Variants in CELSR2 observed in about 807,000 individuals in gnomAD.
The protein encoded by CELSR2 is EGF-like protein 2.
A neutral mutation model predicts 251.6 loss-of-function variants in CELSR2; 81 were observed. The ratio of observed to expected loss-of-function variants is 0.32; its 90% confidence interval spans 0.27 to 0.39. CELSR2 has a LOEUF of 0.39. Ranked by LOEUF, CELSR2 falls within the 10% of genes least tolerant of loss-of-function variation. The pLI, the probability that CELSR2 is intolerant of heterozygous loss-of-function variation, is 1.00. For missense variants in CELSR2, 3,365 were observed against 3,947.7 expected, an observed-to-expected ratio of 0.85 and a Z score of 3.96; for synonymous variants, 1,721 against 1,670.5, an observed-to-expected ratio of 1.03 and a Z score of -0.74.
In CELSR2 at chr1:109,268,932, C is replaced by T. The variant is rs368143806; in HGVS notation, c.6555C>T (p.Pro2185=). The T allele has an allele frequency of 3.5e-4, 559 of 1,613,368 alleles. 8 individuals are homozygous for T. The South Asian group carries it at 5.3e-3, about 15-fold the overall frequency. ...DKGNFAGAKL[P]RYEALRGEQP... ...GGAACTTTGCTGGGGCCAAGCTGCC[C>T]CGCTACGAGGCCCTGCGTGGGGAGC... Residue 2185 remains proline (P), a synonymous_variant, in exon 19 of 34, where the codon CCC becomes CCT. Coordinates refer to ENST00000271332, the MANE Select transcript of CELSR2 (RefSeq NM_001408.3).
chr1:109,273,851 A>T (rs1656448287), intron 33 of CELSR2, 171 bp from the exon 34 acceptor site: 1 of 1,073,484 alleles, frequency 9.3e-7, no homozygotes, highest in Admixed American at 1.9e-5. Context: ...GGGGAGGGCC[A>T]CCCCTCCTAG....
chr1:109,266,137 G>T lies in CELSR2; in HGVS notation c.5944G>T (p.Ala1982Ser), dbSNP rs752119946. ...TGACAGCTGCCCACGAGCGATTGAG[G>T]CTGGGATCTGGTGGCCCCGTACCCG... ...NYDSCPRAIE[A>S]GIWWPRTRFG... is the part of the protein sequence containing the mutation. The change falls in exon 15 of 34, where the codon GCT (alanine) becomes TCT (serine). Residue 1982 changes from alanine to serine, a missense_variant. By Grantham distance (99) the Ala-to-Ser change is moderately conservative. Around this residue, in one of 5 missense-constraint regions of CELSR2, gnomAD observed 2,093 missense variants for 2,382.8 expected, o/e 0.88. Transcript: ENST00000271332. 1 of 1,614,106 alleles carries T rather than the reference G, an allele frequency of 6.2e-7. No individual in the cohort carries two copies. Among genetic ancestry groups the T allele is most frequent in the Non-Finnish European group, 8.5e-7 (1 of 1,180,028 alleles).
intron 33 of CELSR2, 173 bp from the exon 34 acceptor site, chr1:109,273,849 C>A: frequency 9.5e-7 from 1 of 1,057,372 alleles, no homozygotes; most frequent in Non-Finnish European, 1.4e-6. Flanking sequence ...GCGGGGAGGG[C>A]CACCCCTCCT....
chr1:109,270,025 C>G lies in CELSR2; in HGVS notation c.7200C>G (p.Leu2400=). 2 of 1,614,184 alleles carry G rather than the reference C, an allele frequency of 1.2e-6. No homozygotes were observed. The highest frequency in any genetic ancestry group is 1.7e-6 in the Non-Finnish European group (2 of 1,180,036). ...TGCTCACCTTCTTCTTCCTCACTCT[C>G]TTGCGTATCCTGCGCTCCAACCAAC... is the stretch of plus-strand genomic sequence containing the variant. ...ALLLTFFFLT[L]LRILRSNQHG... Residue 2400 remains leucine, a synonymous_variant, in exon 23 of 34, where the codon CTC becomes CTG. Transcript: ENST00000271332.
At chr1:109,267,452 C>A in intron 15 of CELSR2, 96 bp from the exon 16 acceptor site, 1 of 1,115,838 alleles carries the variant, frequency 9.0e-7, no homozygotes, top group Non-Finnish European at 1.3e-6. Context: ...TGTCCCCGGC[C>A]CATGAGGTGC....
chr1:109,266,735 T>TTGAGA (rs1656206415), intron 15 of CELSR2, among the ~76,000 whole-genome samples: 1 of 149,114 alleles, frequency 6.7e-6, no homozygotes, highest in Non-Finnish European at 1.5e-5. Context: ...TTTTTTTTTT[T>TTGAGA]TTTGAGACGG....
In CELSR2 at chr1:109,263,744, C is replaced by T. The variant is rs758571541; in HGVS notation, c.4968C>T (p.Ala1656=). The T allele has an allele frequency of 1.2e-6, 2 of 1,613,746 alleles. No individual in the cohort carries two copies. The highest frequency in any genetic ancestry group is 3.3e-5 in the Admixed American group (2 of 60,026). The part of the protein sequence containing the change: ...TRQADGVLLQ[A]ITRGRSTITL... ...AGGCCGACGGTGTCCTGCTGCAGGC[C>T]ATCACCAGGGGGCGCAGCACCATCA... The change falls in exon 9 of 34, where the codon GCC becomes GCT. Residue 1656 remains alanine (A), a synonymous_variant. Coordinates refer to ENST00000271332, the MANE Select transcript of CELSR2 (RefSeq NM_001408.3).
In CELSR2 at chr1:109,261,705, A is replaced by ACT. The variant is rs1311200655; in HGVS notation, c.4297+80_4297+81dup. On this transcript the variant is annotated intron_variant, in intron 4 of 33. Coordinates refer to ENST00000271332, the MANE Select transcript of CELSR2 (RefSeq NM_001408.3). The surrounding 1 kb of genome is among the most constrained non-coding windows in gnomAD (Gnocchi z 4.8). ...TCCAGCCCCTGACCCCAAGCCACATACTCTATCAGCCAAATCTGGGCCCAG... is the reference window on the plus strand; with the variant it reads ...TCCAGCCCCTGACCCCAAGCCACATACTCTCTATCAGCCAAATCTGGGCCCAG... The ACT allele has an allele frequency of 1.9e-6, 3 of 1,547,526 alleles. No individual in the cohort carries two copies. Among genetic ancestry groups the ACT allele is most frequent in the Non-Finnish European group, 2.7e-6 (3 of 1,125,202 alleles).
chr1:109,265,326 C>G lies in CELSR2; in HGVS notation c.5727+15C>G. ...GCCACTGCAAGGTGACAGCCCCAAG[C>G]AAGCCTCCACTGTGGCCACTTGGGC... On this transcript the variant is annotated intron_variant, in intron 13 of 33. Coordinates refer to ENST00000271332, the MANE Select transcript of CELSR2 (RefSeq NM_001408.3). 9 of 1,587,158 alleles carry G rather than the reference C, an allele frequency of 5.7e-6. No individual in the cohort carries two copies. Among genetic ancestry groups the G allele is most frequent in the Non-Finnish European group, 7.7e-6 (9 of 1,166,100 alleles).
chr1:109,262,506 G>A (rs115045280), intron 6 of CELSR2, 62 bp downstream of exon 6: 15 of 1,581,000 alleles, frequency 9.5e-6, no homozygotes, highest in Non-Finnish European at 1.3e-5. Context: ...AGGGAGGGAA[G>A]GTGGAGAGGG....
At position 109,274,968 on chromosome 1, in the gene CELSR2, G is replaced by T. The variant is rs12740374; in HGVS notation, c.*919G>T. On this transcript the variant is annotated 3_prime_UTR_variant, in exon 34 of 34. Transcript: ENST00000271332. ...CAGTGCTGGCTCGGCTGCCCTGAGGGTGCTCAATCAAGCACAGGTTTCAAG... is the reference window on the plus strand; with the variant it reads ...CAGTGCTGGCTCGGCTGCCCTGAGGTTGCTCAATCAAGCACAGGTTTCAAG... 0.22 allele frequency: 33,828 copies of T among 152,454 alleles called. 3,965 individuals are homozygous for T. Among genetic ancestry groups the T allele is most frequent in the African/African-American group, 0.25 (10,334 of 41,442 alleles). The allele number at this position is 152,454 out of a possible 1,614,324, so 9.4% of individuals were successfully genotyped here. A position where few individuals can be genotyped will look rare whatever the true frequency, so the allele number is the denominator to read the frequency against.
Position 109,258,981 on chromosome 1 carries a change from C to G in CELSR2, c.3860C>G (p.Thr1287Ser). ...PPGFTGDYCE[T>S]EVDLCYSRPC... Reference sequence around the variant, plus strand: ...GGCTTCACGGGTGACTACTGCGAGACCGAGGTGGACCTCTGCTACTCGCGG... The same window carrying G: ...GGCTTCACGGGTGACTACTGCGAGAGCGAGGTGGACCTCTGCTACTCGCGG... The change falls in exon 2 of 34, where the codon ACC (threonine) becomes AGC (serine). Residue 1287 changes from threonine to serine, a missense_variant. Physicochemically the swap from Thr to Ser is moderately conservative, Grantham distance 58. Around this residue, in one of 5 missense-constraint regions of CELSR2, gnomAD observed 2,093 missense variants for 2,382.8 expected, o/e 0.88. Transcript: ENST00000271332. 6.2e-7 allele frequency: 1 copy of G among 1,609,188 alleles called. No homozygotes were observed. Among genetic ancestry groups the G allele is most frequent in the African/African-American group, 1.3e-5 (1 of 75,058 alleles).
chr1:109,271,192 C>T, intron 25 of CELSR2, 25 bp from the exon 26 acceptor site: 1 of 1,609,756 alleles, frequency 6.2e-7, no homozygotes, highest in Non-Finnish European at 8.5e-7. Flanking sequence ...CCACTGAGCA[C>T]CCCATGCCCT....
chr1:109,265,627 G>A, intron 13 of CELSR2, 108 bp from the exon 14 acceptor site: 1 of 1,333,936 alleles, frequency 7.5e-7, no homozygotes. Flanking sequence ...TGCTCCTGAG[G>A]GGACCTGAGG....
intron 24 of CELSR2, 137 bp downstream of exon 24, chr1:109,270,737 G>C (rs1476442208): frequency 1.6e-6 from 2 of 1,214,576 alleles, no homozygotes; most frequent in East Asian, 2.5e-5. Flanking sequence ...GTGTCCCTCT[G>C]GTTTAACCCA....
At chr1:109,268,432 T>TC in intron 17 of CELSR2, 149 bp from the exon 18 acceptor site, 1 of 1,087,800 alleles carries the variant, frequency 9.2e-7, no homozygotes, top group Non-Finnish European at 1.3e-6. Flanking sequence ...GGCAGTGCGG[T>TC]CCAGGAGCAT....
Position 109,265,722 on chromosome 1 carries a change from C to T in CELSR2, c.5728-13C>T, listed in dbSNP as rs1196598127. ...AGCCTGGCCAGTGACACCGTTCTTC[C>T]CTCCTTTCTCAGGAGAACCACTACC... On this transcript the variant is annotated splice_polypyrimidine_tract_variant and intron_variant, in intron 13 of 33. Coordinates refer to ENST00000271332, the MANE Select transcript of CELSR2 (RefSeq NM_001408.3). 8 of 1,602,822 alleles carry T rather than the reference C, an allele frequency of 5.0e-6. No homozygotes were observed. The highest frequency in any genetic ancestry group is 3.3e-5 in the Admixed American group (2 of 59,730).
intron 5 of CELSR2, 139 bp downstream of exon 5, chr1:109,262,035 T>C: frequency 9.3e-7 from 1 of 1,070,420 alleles, no homozygotes. Flanking sequence ...GCTGGGAAGG[T>C]GCCACCTTGC....
chr1:109,253,538 C>G (rs1414970952), intron 1 of CELSR2, 149 bp downstream of exon 1: 20 of 1,418,064 alleles, frequency 1.4e-5, no homozygotes, highest in Non-Finnish European at 1.8e-5. Flanking sequence ...CAAGAGCCAG[C>G]TTGGGAAGAA....
Sources: gnomAD v4.1 joint callset for allele counts (sites outside exome capture counted in the v4.1 genomes callset) on GRCh38, gnomAD v4.1.1 for gene constraint, gnomAD v4.1.1 regional missense constraint, Gnocchi (gnomAD v3.1) non-coding constraint, MANE v1.5 for transcripts, NCBI Gene and HGNC (gene_info 2026-07-23, HGNC 2026-07-21) for gene names.